The following LRRC8C variants were observed in gnomAD, a reference collection of about 807,000 sequenced individuals.
The protein encoded by LRRC8C is leucine rich repeat containing 8 VRAC subunit C.
LRRC8C carries 20 observed loss-of-function variants against 55.3 expected under a neutral mutation model. The observed-to-expected ratio is 0.36, with a 90% CI of 0.25 to 0.53. LRRC8C has a LOEUF of 0.53. Among genes scored for constraint, LRRC8C ranks in the 20% least tolerant of loss-of-function variants. LRRC8C has a pLI of 0.92. For synonymous variants in LRRC8C, 376 were observed against 360.7 expected (o/e 1.04, Z -0.48); for missense variants, 659 against 951.4 (o/e 0.69, Z 4.04).
chr1:89,619,930 T>C, the LRRC8C span, among the ~76,000 whole-genome samples: 29 of 152,320 alleles, frequency 1.9e-4, no homozygotes, highest in Admixed American at 8.5e-4. Context: ...CTTATTTAGG[T>C]TCTCATAGGT....
the LRRC8C span, among the ~76,000 whole-genome samples, chr1:89,625,801 T>C: frequency 6.6e-5 from 10 of 152,216 alleles, no homozygotes; most frequent in African/African-American, 1.9e-4. Context: ...TTGCTTAGGC[T>C]TAAAATTAGA....
At chr1:89,636,234 G>A (rs1656279022) in intron 1 of LRRC8C, among the ~76,000 whole-genome samples, 1 of 152,202 alleles carries the variant, frequency 6.6e-6, no homozygotes, top group Non-Finnish European at 1.5e-5. Flanking sequence ...TAGGTGCTCA[G>A]TAAGGATTAA....
At chr1:89,686,087 G>C (rs1180593100) in intron 1 of LRRC8C, among the ~76,000 whole-genome samples, 4 of 149,060 alleles carry the variant, frequency 2.7e-5, no homozygotes, top group African/African-American at 5.0e-5. Flanking sequence ...AATAACCCAA[G>C]ATGGTAAGAT....
intron 1 of LRRC8C, among the ~76,000 whole-genome samples, chr1:89,670,230 C>T (rs551021035): frequency 9.9e-5 from 15 of 152,190 alleles, no homozygotes; most frequent in Admixed American, 4.6e-4. Flanking sequence ...ATGCTTTTTG[C>T]GTGTTGCCAT....
intron 1 of LRRC8C, among the ~76,000 whole-genome samples, chr1:89,685,152 AG>A: frequency 8.3e-6 from 1 of 120,628 alleles, no homozygotes; most frequent in South Asian, 2.8e-4. Flanking sequence ...TCTGTCGCCC[AG>A]CAGGCCGGAC....
Position 89,717,286 on chromosome 1 carries a change from T to C in LRRC8C, c.*2304T>C, listed in dbSNP as rs535538224. 2 of 152,304 alleles carry C rather than the reference T, an allele frequency of 1.3e-5. 1 individual carries two copies. The highest frequency in any genetic ancestry group is 4.1e-4 in the South Asian group (2 of 4,830). 9.4% of individuals were successfully genotyped at this position (152,304 alleles called of 1,614,324 possible). A position where few individuals can be genotyped will look rare whatever the true frequency, so the allele number is the denominator to read the frequency against. On this transcript the variant is annotated 3_prime_UTR_variant, in exon 3 of 3. Coordinates refer to ENST00000370454, the MANE Select transcript of LRRC8C (RefSeq NM_032270.5). ...CTGGATAAAATTTATAGTTATTTTC[T>C]ATATTACCCTTCAAAAGGGATCTCT...
At chr1:89,683,079 A>T (rs147635579) in intron 1 of LRRC8C, among the ~76,000 whole-genome samples, 2 of 152,338 alleles carry the variant, frequency 1.3e-5, no homozygotes, top group South Asian at 4.1e-4. Context: ...AAAACTTGTG[A>T]TCACCACCAT....
intron 2 of LRRC8C, 82 bp from the exon 3 acceptor site, chr1:89,712,627 T>C (rs1658680529): frequency 1.1e-6 from 1 of 943,208 alleles, no homozygotes; most frequent in African/African-American, 1.6e-5. Context: ...TTATTGGATG[T>C]TACTGCTGCT....
rs544850444 is a variant in LRRC8C, at chr1:89,641,134, C to T, written c.-5+7812C>T. On this transcript the variant is annotated intron_variant, in intron 1 of 2. Transcript: ENST00000370454. ...TAAAATATAAGATGGAGGAAGACAACATGTGATTAGAGCAAAATTAAGATT... is the reference window on the plus strand; with the variant it reads ...TAAAATATAAGATGGAGGAAGACAATATGTGATTAGAGCAAAATTAAGATT... Among the ~76,000 whole-genome samples, 72 of 152,242 alleles carry T rather than the reference C, an allele frequency of 4.7e-4. No homozygotes were observed. In the South Asian group the frequency reaches 0.013, roughly 28 times the overall value.
chr1:89,656,486 T>C (rs540473134), intron 1 of LRRC8C, among the ~76,000 whole-genome samples: 104 of 152,270 alleles, frequency 6.8e-4, no homozygotes, highest in Non-Finnish European at 6.0e-4. Context: ...AAGAGTCACA[T>C]AGTCAGTGGG....
chr1:89,690,412 G>A (rs1657996419), intron 2 of LRRC8C, among the ~76,000 whole-genome samples: 1 of 152,110 alleles, frequency 6.6e-6, no homozygotes, highest in African/African-American at 2.4e-5. Context: ...GGAAATAGTA[G>A]AGGAAGGTGA....
At chr1:89,682,126 G>A (rs1384403806) in intron 1 of LRRC8C, among the ~76,000 whole-genome samples, 1 of 152,132 alleles carries the variant, frequency 6.6e-6, no homozygotes, top group African/African-American at 2.4e-5. Context: ...GCAGTGAGCC[G>A]AGATCGCGCC....
intron 2 of LRRC8C, chr1:89,706,265 TA>T (rs1159160812): frequency 2.2e-6 from 1 of 455,602 alleles, no homozygotes; most frequent in Non-Finnish European, 4.4e-6. Flanking sequence ...ATGTAATAGA[TA>T]AGCTGCCTTC....
At chr1:89,678,564 G>A (rs1466586128) in intron 1 of LRRC8C, among the ~76,000 whole-genome samples, 2 of 152,188 alleles carry the variant, frequency 1.3e-5, no homozygotes, top group African/African-American at 4.8e-5. Context: ...GCTGGGCATG[G>A]TGGTGCATAC....
At chr1:89,661,821 T>A (rs1657130885) in intron 1 of LRRC8C, among the ~76,000 whole-genome samples, 2 of 152,134 alleles carry the variant, frequency 1.3e-5, no homozygotes, top group African/African-American at 2.4e-5. Context: ...AGATATGGTG[T>A]GATATTAAAT....
At chr1:89,689,120 A>C (rs1475561931) in intron 2 of LRRC8C, among the ~76,000 whole-genome samples, 1 of 152,230 alleles carries the variant, frequency 6.6e-6, no homozygotes, top group Non-Finnish European at 1.5e-5. Context: ...TGGTGACTCT[A>C]ATCTGTGTAT....
chr1:89,716,133 T>G lies in LRRC8C; in HGVS notation c.*1151T>G, dbSNP rs1249246058. ...TCATTATTCCCTAAACAATACAGCG[T>G]AACAACTATTTAAATAGGATTTACA... On this transcript the variant is annotated 3_prime_UTR_variant, in exon 3 of 3. Transcript: ENST00000370454. 6.6e-6 allele frequency: 1 copy of G among 152,210 alleles called. No individual in the cohort carries two copies. The highest frequency in any genetic ancestry group is 1.5e-5 in the Non-Finnish European group (1 of 68,032). The allele number at this position is 152,210 out of a possible 1,614,324, so 9.4% of individuals were successfully genotyped here. A position where few individuals can be genotyped will look rare whatever the true frequency, so the allele number is the denominator to read the frequency against.
At chr1:89,695,940 G>A (rs1176112880) in intron 2 of LRRC8C, among the ~76,000 whole-genome samples, 1 of 152,138 alleles carries the variant, frequency 6.6e-6, no homozygotes, top group Non-Finnish European at 1.5e-5. Context: ...AAATAGAAAT[G>A]TATTGTTTTT....
chr1:89,685,582 A>G (rs1657856325), intron 1 of LRRC8C, among the ~76,000 whole-genome samples: 1 of 152,172 alleles, frequency 6.6e-6, no homozygotes, highest in African/African-American at 2.4e-5. Flanking sequence ...TCACAGTAGC[A>G]GGATGATTAA....
Sources: allele counts gnomAD v4.1 joint callset (sites outside exome capture counted in the v4.1 genomes callset), GRCh38; gene constraint gnomAD v4.1.1; transcripts MANE v1.5; gene names NCBI Gene and HGNC (gene_info 2026-07-23, HGNC 2026-07-21).